EPB41L4B: variants seen among roughly 807,000 people sequenced by gnomAD.
EPB41L4B encodes erythrocyte membrane protein band 4.1 like 4B, also known as band 4.1-like protein 4B.
EPB41L4B carries 30 observed loss-of-function variants against 112.5 expected under a neutral mutation model. The observed-to-expected ratio is 0.27, with a 90% CI of 0.20 to 0.36. The LOEUF (loss-of-function observed/expected upper bound fraction) is 0.36, where lower values mean the gene tolerates loss of function less well. EPB41L4B is among the 10% of genes least tolerant of loss of function. The pLI, the probability that EPB41L4B is intolerant of heterozygous loss-of-function variation, is 1.00. For synonymous variants in EPB41L4B, 408 were observed against 439.7 expected (o/e 0.93, Z 0.90); for missense variants, 1,024 against 1,133.3 (o/e 0.90, Z 1.38).
chr9:109,201,217 G>A (rs1361293593), intron 19 of EPB41L4B, among the ~76,000 whole-genome samples: 1 of 152,074 alleles, frequency 6.6e-6, no homozygotes, highest in Admixed American at 6.6e-5. Context: ...TTAGGAGGCT[G>A]AGGTGGGCAG....
At chr9:109,308,032 G>A (rs952923568) in intron 1 of EPB41L4B, among the ~76,000 whole-genome samples, 9 of 152,154 alleles carry the variant, frequency 5.9e-5, no homozygotes, top group African/African-American at 1.9e-4. Flanking sequence ...TGGACCAGGT[G>A]TTCTCCAACG....
chr9:109,304,903 C>T (rs1837112839), intron 1 of EPB41L4B, among the ~76,000 whole-genome samples: 1 of 152,166 alleles, frequency 6.6e-6, no homozygotes, highest in South Asian at 2.1e-4. Flanking sequence ...AATGACGGCT[C>T]AACAGGTAGA....
intron 17 of EPB41L4B, among the ~76,000 whole-genome samples, chr9:109,211,906 G>GGC (rs145728208): frequency 6.9e-6 from 1 of 145,612 alleles, no homozygotes; most frequent in Non-Finnish European, 1.5e-5. Context: ...AGTAGAGATG[G>GGC]GGGGGGTCTC....
At chr9:109,248,152 C>T (rs1452607493) in intron 13 of EPB41L4B, among the ~76,000 whole-genome samples, 2 of 152,242 alleles carry the variant, frequency 1.3e-5, no homozygotes, top group African/African-American at 4.8e-5. Context: ...GGAGACCTCA[C>T]AGCACCGGCA....
chr9:109,281,529 C>T (rs1037482686), intron 1 of EPB41L4B, among the ~76,000 whole-genome samples: 1 of 152,034 alleles, frequency 6.6e-6, no homozygotes, highest in Non-Finnish European at 1.5e-5. Context: ...ATGGTGAAAC[C>T]CTGTCTCCAC....
intron 1 of EPB41L4B, among the ~76,000 whole-genome samples, chr9:109,290,710 C>CATATATAT (rs138734040): frequency 4.2e-4 from 62 of 145,964 alleles, no homozygotes; most frequent in African/African-American, 1.5e-3. Context: ...GGAAACTAGC[C>CATATATAT]ATATATATAT....
chr9:109,182,947 T>C (rs953877373), intron 23 of EPB41L4B, 150 bp from the exon 24 acceptor site: 3 of 631,810 alleles, frequency 4.7e-6, no homozygotes, highest in Non-Finnish European at 8.5e-6. Context: ...ATACAAAGGG[T>C]CCCTCAGGAG....
intron 4 of EPB41L4B, among the ~76,000 whole-genome samples, chr9:109,265,933 T>A (rs919133756): frequency 1.3e-5 from 2 of 150,864 alleles, no homozygotes; most frequent in Non-Finnish European, 2.9e-5. Flanking sequence ...GCAGCATTCA[T>A]AGAGGACTCT....
chr9:109,240,211 A>G (rs1834304486), intron 15 of EPB41L4B: 1 of 985,318 alleles, frequency 1.0e-6, no homozygotes, highest in Admixed American at 6.1e-5. Flanking sequence ...AATGCTATCA[A>G]TAAGATGAAA....
intron 24 of EPB41L4B, among the ~76,000 whole-genome samples, chr9:109,181,239 C>A (rs1204570575): frequency 1.3e-5 from 2 of 151,854 alleles, no homozygotes; most frequent in African/African-American, 2.4e-5. Context: ...TGGTCTCAAG[C>A]GATCCTCCCA....
chr9:109,186,374 A>G (rs10979736), intron 22 of EPB41L4B, among the ~76,000 whole-genome samples: 17,542 of 151,030 alleles, frequency 0.12, 1,569 homozygotes, highest in African/African-American at 0.24. Flanking sequence ...TTTAATGGAG[A>G]CAGGGTTTCA....
chr9:109,228,884 T>G (rs1018966724), intron 15 of EPB41L4B, among the ~76,000 whole-genome samples: 1 of 152,246 alleles, frequency 6.6e-6, no homozygotes, highest in Admixed American at 6.5e-5. Flanking sequence ...GCCTTTCTCT[T>G]TCGGATTATC....
intron 15 of EPB41L4B, among the ~76,000 whole-genome samples, chr9:109,232,287 C>T (rs918363168): frequency 2.6e-5 from 4 of 151,918 alleles, no homozygotes; most frequent in South Asian, 4.2e-4. Flanking sequence ...CCACTGTGCC[C>T]GGTCACTTCT....
At chr9:109,266,258 C>T (rs1835396426) in intron 4 of EPB41L4B, among the ~76,000 whole-genome samples, 1 of 152,092 alleles carries the variant, frequency 6.6e-6, no homozygotes, top group Non-Finnish European at 1.5e-5. Context: ...CACCTGTGGT[C>T]CCAGCTACTA....
chr9:109,251,526 CAG>C lies in EPB41L4B; in HGVS notation c.1280-17_1280-16del. 1 of 1,613,392 alleles carries C rather than the reference CAG, an allele frequency of 6.2e-7. No individual in the cohort carries two copies. Among genetic ancestry groups the C allele is most frequent in the Non-Finnish European group, 8.5e-7 (1 of 1,179,338 alleles). On this transcript the variant is annotated splice_polypyrimidine_tract_variant and intron_variant, in intron 12 of 25. Coordinates refer to ENST00000374566, the MANE Select transcript of EPB41L4B (RefSeq NM_019114.5). ...TGGGTTGCTTGCTATAAAGGAAAAA[CAG>C]AAAGTTATGACATCTTAGAGAACTT... is the stretch of plus-strand genomic sequence containing the variant.
intron 15 of EPB41L4B, among the ~76,000 whole-genome samples, chr9:109,233,173 A>C (rs891771438): frequency 1.3e-5 from 2 of 152,166 alleles, no homozygotes; most frequent in African/African-American, 4.8e-5. Flanking sequence ...TTTTTAGTGG[A>C]TGGCCTAGAC....
chr9:109,210,031 C>T (rs1337334462), intron 17 of EPB41L4B, among the ~76,000 whole-genome samples: 1 of 151,926 alleles, frequency 6.6e-6, no homozygotes, highest in Non-Finnish European at 1.5e-5. Context: ...GTGAGAAAAA[C>T]AGATATAAAT....
At chr9:109,240,188 A>G in intron 15 of EPB41L4B, 1 of 985,464 alleles carries the variant, frequency 1.0e-6, no homozygotes, top group Non-Finnish European at 1.2e-6. Flanking sequence ...TTCCTTGGAA[A>G]CACATTTGTA....
At chr9:109,197,404 C>G (rs1832678307) in intron 20 of EPB41L4B, among the ~76,000 whole-genome samples, 1 of 151,956 alleles carries the variant, frequency 6.6e-6, no homozygotes, top group African/African-American at 2.4e-5. Context: ...GCCTGGGTGA[C>G]AGAGTGAGAC....
Sources: gnomAD v4.1 joint callset for allele counts (sites outside exome capture counted in the v4.1 genomes callset) on GRCh38, gnomAD v4.1.1 for gene constraint, MANE v1.5 for transcripts, NCBI Gene and HGNC (gene_info 2026-07-23, HGNC 2026-07-21) for gene names.